Variants in IQCK observed in about 807,000 individuals in gnomAD.
The protein encoded by IQCK is IQ motif containing K, also known as IQ domain-containing protein K.
In IQCK, 29 loss-of-function variants were observed where a neutral mutation model predicts 28.1. That is an observed-to-expected ratio of 1.03 (90% confidence interval 0.77 to 1.41). The LOEUF is 1.41. IQCK is among the 40% of genes most tolerant of loss of function. The pLI, the probability that IQCK is intolerant of heterozygous loss-of-function variation, is 0.00. For synonymous variants in IQCK, 113 were observed against 115.1 expected, an observed-to-expected ratio of 0.98 and a Z score of 0.12; for missense variants, 359 against 314.7, an observed-to-expected ratio of 1.14 and a Z score of -1.07.
intron 7 of IQCK, among the ~76,000 whole-genome samples, chr16:19,797,663 T>C: frequency 8.6e-6 from 1 of 116,208 alleles, no homozygotes; most frequent in East Asian, 2.5e-4. Context: ...AACGGAGATT[T>C]CTGATCTCCA....
chr16:19,740,456 C>T (rs1057504923), intron 4 of IQCK, among the ~76,000 whole-genome samples: 2 of 152,044 alleles, frequency 1.3e-5, no homozygotes, highest in African/African-American at 4.8e-5. Context: ...CTGGCCACAC[C>T]ATTGTCAGAT....
At position 19,729,312 on chromosome 16, in the gene IQCK, T is replaced by C. The variant is rs1052981163; in HGVS notation, c.182-1118T>C. On this transcript the variant is annotated intron_variant, in intron 1 of 7. Coordinates refer to ENST00000564186, the Ensembl canonical transcript of IQCK. ...TAGTGGAGATGAGGTTTCACCATGT[T>C]GGTAAGGCTGATCTCGAACTCCTGA... Among the ~76,000 whole-genome samples the C allele has an allele frequency of 2.0e-5, 3 of 152,162 alleles. No homozygotes were observed. The East Asian group carries it at 5.8e-4, about 29-fold the overall frequency.
rs551318747 is a variant in IQCK, at chr16:19,845,810, C to T, written c.803-10677C>T. 1.9e-4 allele frequency among the ~76,000 whole-genome samples: 29 copies of T among 152,328 alleles called. 1 individual carries two copies. The highest frequency in any genetic ancestry group is 5.8e-4 in the African/African-American group (24 of 41,564). On this transcript the variant is annotated intron_variant, in intron 9 of 9. Transcript: ENST00000320394. The stretch of plus-strand genomic sequence containing the variant: ...AATTTTATAGCCGGGCATGGTGGCT[C>T]ATGCCTGTAATCCCAGCAGTTTGGG...
exon 4 of IQCK, chr16:19,735,401 C>G (rs749980544): frequency 6.2e-7 from 1 of 1,614,084 alleles, no homozygotes; most frequent in Non-Finnish European, 8.5e-7. Flanking sequence ...GTTCTGCTTC[C>G]CGGAATGGCT....
chr16:19,850,071 T>C (rs2056463592), intron 9 of IQCK, among the ~76,000 whole-genome samples: 1 of 152,224 alleles, frequency 6.6e-6, no homozygotes, highest in Admixed American at 6.5e-5. Flanking sequence ...TTACATCACA[T>C]CAAGGTTATA....
downstream of IQCK, among the ~76,000 whole-genome samples, chr16:19,827,343 A>G (rs1356569248): frequency 6.6e-6 from 1 of 152,204 alleles, no homozygotes; most frequent in Non-Finnish European, 1.5e-5. Flanking sequence ...TTTCTCTCCC[A>G]CAGGGACAAA....
At chr16:19,749,295 C>T (rs1270649315) in intron 4 of IQCK, among the ~76,000 whole-genome samples, 1 of 152,160 alleles carries the variant, frequency 6.6e-6, no homozygotes, top group African/African-American at 2.4e-5. Context: ...CATAACGTTC[C>T]GAAGCTGAAC....
intron 7 of IQCK, among the ~76,000 whole-genome samples, chr16:19,820,189 C>A (rs2056050736): frequency 6.6e-6 from 1 of 151,154 alleles, no homozygotes. Flanking sequence ...ATCTATGACA[C>A]CAAAAGCACA....
intron 2 of IQCK, among the ~76,000 whole-genome samples, chr16:19,732,079 C>T (rs1348640982): frequency 6.6e-6 from 1 of 152,198 alleles, no homozygotes; most frequent in Non-Finnish European, 1.5e-5. Context: ...AGAATTCAGC[C>T]TTCCTCAACG....
chr16:19,811,869 G>C (rs901478124), intron 7 of IQCK, among the ~76,000 whole-genome samples: 1 of 152,098 alleles, frequency 6.6e-6, no homozygotes, highest in Non-Finnish European at 1.5e-5. Flanking sequence ...CTGAAACCTT[G>C]GTTCTACCTC....
rs921308855 is a variant in IQCK, at chr16:19,799,225, C to T, written c.690+10303C>T. ...TTCATTATTGCCACACAAAGATGTA[C>T]CTCACAAATTTTAATTCTTCTATGG... On this transcript the variant is annotated intron_variant, in intron 7 of 7. Transcript: ENST00000564186. 3.6e-5 allele frequency among the ~76,000 whole-genome samples: 4 copies of T among 110,516 alleles called. 1 individual carries two copies. The highest frequency in any genetic ancestry group is 1.4e-4 in the African/African-American group (2 of 13,914). The allele number at this position is 110,516 out of a possible 152,430, so 72.5% of individuals were successfully genotyped here. A position where few individuals can be genotyped will look rare whatever the true frequency, so the allele number is the denominator to read the frequency against.
At chr16:19,767,931 A>G (rs1430856162) in intron 6 of IQCK, among the ~76,000 whole-genome samples, 3 of 152,034 alleles carry the variant, frequency 2.0e-5, no homozygotes, top group African/African-American at 7.2e-5. Flanking sequence ...CACCCAGGGA[A>G]CTTTGGAAAA....
intron 1 of IQCK, among the ~76,000 whole-genome samples, chr16:19,729,575 C>T (rs939386222): frequency 2.4e-4 from 37 of 151,900 alleles, no homozygotes; most frequent in Non-Finnish European, 4.7e-4. Context: ...GATAAAGCGT[C>T]GACTCTTTCA....
intron 7 of IQCK, among the ~76,000 whole-genome samples, chr16:19,814,786 CTTTT>C (rs35073247): frequency 2.5e-5 from 3 of 122,420 alleles, no homozygotes; most frequent in Admixed American, 8.5e-5. Flanking sequence ...TAAAGAGGGT[CTTTT>C]TTTTTTTTTT....
chr16:19,731,526 T>A (rs372438181), intron 2 of IQCK, among the ~76,000 whole-genome samples: 2 of 152,230 alleles, frequency 1.3e-5, no homozygotes, highest in South Asian at 4.1e-4. Context: ...CAGATACAAA[T>A]CACAGTTCTC....
intron 6 of IQCK, among the ~76,000 whole-genome samples, chr16:19,779,603 A>C (rs969974528): frequency 6.6e-6 from 1 of 152,046 alleles, no homozygotes; most frequent in African/African-American, 2.4e-5. Flanking sequence ...CAATTCCATA[A>C]CTTTCTGGTC....
At chr16:19,762,940 C>T (rs894096217) in intron 4 of IQCK, among the ~76,000 whole-genome samples, 16 of 151,966 alleles carry the variant, frequency 1.1e-4, no homozygotes, top group African/African-American at 3.6e-4. Flanking sequence ...CACTTGAGCT[C>T]GGGAGGCAGA....
chr16:19,745,848 A>G (rs1347395851), intron 4 of IQCK, among the ~76,000 whole-genome samples: 3 of 152,122 alleles, frequency 2.0e-5, no homozygotes, highest in Non-Finnish European at 2.9e-5. Flanking sequence ...GCTGCCTGCT[A>G]GCTGGGGCAC....
At chr16:19,770,423 G>A (rs1402451657) in intron 6 of IQCK, among the ~76,000 whole-genome samples, 1 of 152,102 alleles carries the variant, frequency 6.6e-6, no homozygotes, top group African/African-American at 2.4e-5. Flanking sequence ...GATTGACTTG[G>A]ATTTCACTGG....
Sources: allele counts gnomAD v4.1 joint callset (sites outside exome capture counted in the v4.1 genomes callset), GRCh38; gene constraint gnomAD v4.1.1; transcripts MANE v1.5; gene names NCBI Gene and HGNC (gene_info 2026-07-23, HGNC 2026-07-21).